Variants in PRAMEF26 observed in about 807,000 individuals in gnomAD.
The protein encoded by PRAMEF26 is PRAME family member 25.
intron 1 of PRAMEF26, 122 bp downstream of exon 1, chr1:13,155,762 G>C (rs1264643087): frequency 9.9e-6 from 1 of 101,302 alleles, no homozygotes; most frequent in Non-Finnish European, 1.8e-5. Context: ...GCTTCAAATT[G>C]TTCATATGAA....
intron 1 of PRAMEF26, chr1:13,155,215 TAA>T (rs878932951): frequency 1.4e-4 from 20 of 141,510 alleles, no homozygotes; most frequent in East Asian, 7.9e-4. Flanking sequence ...CCCAGCTAAT[TAA>T]AAAAAAAAAA....
At chr1:13,150,477 G>T (rs1230891019) in intron 3 of PRAMEF26, 1 of 66,170 alleles carries the variant, frequency 1.5e-5, no homozygotes, top group African/African-American at 4.3e-5. Flanking sequence ...GCTGGGGTGG[G>T]CGGGCTGCAG....
intron 1 of PRAMEF26, chr1:13,155,149 T>A (rs1268252291): frequency 7.1e-6 from 1 of 141,120 alleles, no homozygotes; most frequent in African/African-American, 2.6e-5. Context: ...TGGGCTAAAG[T>A]GATTCTCCCA....
chr1:13,155,185 T>A (rs1288369464), intron 1 of PRAMEF26: 1 of 144,656 alleles, frequency 6.9e-6, no homozygotes, highest in Non-Finnish European at 1.6e-5. Context: ...TAGCTGGGGC[T>A]ACAGATGCAT....
At chr1:13,155,489 A>C in intron 1 of PRAMEF26, 2 of 85,480 alleles carry the variant, frequency 2.3e-5, no homozygotes, top group African/African-American at 6.7e-5. Flanking sequence ...GTGCCACTGC[A>C]CTCCAGTCTG....
chr1:13,155,244 AC>A, intron 1 of PRAMEF26: 1 of 143,378 alleles, frequency 7.0e-6, no homozygotes. Flanking sequence ...GAGGCCAAGC[AC>A]CAGTGGCTCA....
chr1:13,155,793 G>C (rs1368263472), intron 1 of PRAMEF26, 91 bp downstream of exon 1: 2 of 101,830 alleles, frequency 2.0e-5, no homozygotes, highest in Admixed American at 1.8e-4. Context: ...ACAGGATATA[G>C]CTCTGTGCCA....
intron 1 of PRAMEF26, chr1:13,155,111 A>G (rs1642992171): frequency 7.4e-6 from 1 of 134,972 alleles, no homozygotes; most frequent in African/African-American, 2.7e-5. Flanking sequence ...CAGTGGTGTG[A>G]GCATGGCTCA....
intron 1 of PRAMEF26, chr1:13,155,084 C>T (rs1484597077): frequency 7.9e-6 from 1 of 125,896 alleles, no homozygotes; most frequent in Non-Finnish European, 1.7e-5. Flanking sequence ...CTCTCTTTTG[C>T]CCAGGCTGGA....
intron 1 of PRAMEF26, chr1:13,155,027 AG>A (rs1171582103): frequency 3.4e-5 from 3 of 89,296 alleles, no homozygotes; most frequent in Non-Finnish European, 7.0e-5. Context: ...TTAAGGTCAA[AG>A]ATCCTTTTTT....
At chr1:13,155,842 G>C (rs1165888493) in intron 1 of PRAMEF26, 42 bp downstream of exon 1, 1 of 95,380 alleles carries the variant, frequency 1.0e-5, no homozygotes, top group Non-Finnish European at 1.9e-5. Context: ...CCAGCTGACT[G>C]TAGGTCAGAT....
intron 1 of PRAMEF26, chr1:13,155,163 C>A (rs1642992775): frequency 6.9e-6 from 1 of 144,080 alleles, no homozygotes; most frequent in African/African-American, 2.5e-5. Flanking sequence ...TCTCCCACAC[C>A]AGCCACCCAA....
chr1:13,155,133 A>G (rs1389954646), intron 1 of PRAMEF26: 3 of 140,468 alleles, frequency 2.1e-5, no homozygotes, highest in African/African-American at 5.1e-5. Context: ...TGCATCCTCA[A>G]TCTTCTGGGC....
intron 1 of PRAMEF26, chr1:13,155,460 G>T (rs1306399145): frequency 1.1e-5 from 1 of 94,006 alleles, no homozygotes; most frequent in Non-Finnish European, 2.1e-5. Context: ...GGAGGTAAAG[G>T]TTACAGTGAG....
At chr1:13,150,592 A>G in intron 3 of PRAMEF26, 1 of 17,636 alleles carries the variant, frequency 5.7e-5, no homozygotes, top group African/African-American at 1.4e-4. Flanking sequence ...TTCCTAGGTA[A>G]TTAATTTACC....
At chr1:13,155,667 C>G (rs1431561054) in intron 1 of PRAMEF26, 2 of 87,212 alleles carry the variant, frequency 2.3e-5, no homozygotes, top group South Asian at 7.7e-4. Flanking sequence ...CTGCTCCCTT[C>G]AAGAATTTTG....
chr1:13,155,219 A>C lies in PRAMEF26; in HGVS notation c.-17+665T>G, dbSNP rs1379753003. On this transcript the variant is annotated intron_variant, in intron 1 of 3. Transcript: ENST00000624207. ...ATGCCACCATGCCCAGCTAATTAAA[A>C]AAAAAAAAAAAGTAGAGGCCAAGCA... is the stretch of plus-strand genomic sequence containing the variant. 6 of 147,478 alleles carry C rather than the reference A, an allele frequency of 4.1e-5. No individual in the cohort carries two copies. In the Admixed American group the frequency reaches 4.1e-4, roughly 10 times the overall value. 9.1% of individuals were successfully genotyped at this position (147,478 alleles called of 1,614,324 possible).
intron 1 of PRAMEF26, chr1:13,155,230 A>T (rs1484186177): frequency 6.9e-6 from 1 of 145,290 alleles, no homozygotes; most frequent in African/African-American, 2.5e-5. Flanking sequence ...AAAAAAAAAA[A>T]GTAGAGGCCA....
At chr1:13,155,214 T>G (rs1413671338) in intron 1 of PRAMEF26, 2 of 142,432 alleles carry the variant, frequency 1.4e-5, no homozygotes, top group Admixed American at 7.1e-5. Flanking sequence ...GCCCAGCTAA[T>G]TAAAAAAAAA....
Sources: gnomAD v4.1 joint callset for allele counts on GRCh38, gnomAD v4.1.1 for gene constraint, MANE v1.5 for transcripts, NCBI Gene and HGNC (gene_info 2026-07-23, HGNC 2026-07-21) for gene names.